DCC: variants seen among roughly 807,000 people sequenced by gnomAD.
DCC encodes the protein netrin receptor DCC.
A neutral mutation model predicts 172.5 loss-of-function variants in DCC; 58 were observed. That is an observed-to-expected ratio of 0.34 (90% CI 0.27 to 0.42). DCC has a LOEUF of 0.42. DCC is among the 10% of genes least tolerant of loss of function. The pLI is 1.00. For synonymous variants in DCC, 709 were observed against 644.5 expected, an observed-to-expected ratio of 1.10 and a Z score of -1.52; for missense variants, 1,740 against 1,791.0, an observed-to-expected ratio of 0.97 and a Z score of 0.51.
chr18:53,384,228 G>T (rs541005762), intron 15 of DCC, among the ~76,000 whole-genome samples: 6 of 152,080 alleles, frequency 3.9e-5, no homozygotes, highest in South Asian at 2.1e-4. Context: ...GTTAATTTTT[G>T]TTGACTATAA....
At chr18:53,327,748 G>A (rs1261691491) in intron 14 of DCC, among the ~76,000 whole-genome samples, 2 of 152,174 alleles carry the variant, frequency 1.3e-5, no homozygotes, top group East Asian at 3.9e-4. Flanking sequence ...TTACACCAGT[G>A]AGCAAAAGAA....
chr18:52,830,246 C>T (rs2073300401), intron 2 of DCC, among the ~76,000 whole-genome samples: 1 of 152,156 alleles, frequency 6.6e-6, no homozygotes, highest in Admixed American at 6.5e-5. Flanking sequence ...TGGTCCAACA[C>T]AAACTCACAA....
At chr18:52,769,038 T>C (rs1168337270) in intron 2 of DCC, among the ~76,000 whole-genome samples, 10 of 152,194 alleles carry the variant, frequency 6.6e-5, no homozygotes, top group Non-Finnish European at 4.4e-5. Flanking sequence ...AAATACATGG[T>C]AGCAAGTCTT....
chr18:52,768,362 CT>C (rs933989536), intron 2 of DCC, among the ~76,000 whole-genome samples: 42 of 152,258 alleles, frequency 2.8e-4, no homozygotes, highest in African/African-American at 9.9e-4. Context: ...AGGGAGAAGG[CT>C]TACCTATGGT....
chr18:52,386,969 T>C (rs1236684908), intron 1 of DCC, among the ~76,000 whole-genome samples: 1 of 152,100 alleles, frequency 6.6e-6, no homozygotes, highest in East Asian at 1.9e-4. Flanking sequence ...TAAAAGCCAG[T>C]AGTTTAACTC....
intron 2 of DCC, among the ~76,000 whole-genome samples, chr18:52,788,784 C>T (rs1004619232): frequency 2.0e-5 from 3 of 152,140 alleles, no homozygotes; most frequent in African/African-American, 7.2e-5. Flanking sequence ...AAAACAGGCA[C>T]AGCTGAAGGC....
At chr18:52,820,373 C>T (rs146503023) in intron 2 of DCC, among the ~76,000 whole-genome samples, 5 of 152,220 alleles carry the variant, frequency 3.3e-5, no homozygotes, top group East Asian at 1.9e-4. Context: ...CCCCCAAACA[C>T]GTTCCTAACA....
chr18:52,534,776 A>G (rs537852869), intron 1 of DCC, among the ~76,000 whole-genome samples: 67 of 152,310 alleles, frequency 4.4e-4, no homozygotes, highest in South Asian at 1.5e-3. Context: ...ATTTTTTTAC[A>G]TAAGTGAACT....
intron 1 of DCC, among the ~76,000 whole-genome samples, chr18:52,434,750 A>T (rs1987735650): frequency 6.6e-6 from 1 of 150,722 alleles, no homozygotes; most frequent in Admixed American, 6.6e-5. Flanking sequence ...TCTCTTCAAG[A>T]TTATGCCCTT....
intron 5 of DCC, among the ~76,000 whole-genome samples, chr18:53,030,356 A>T (rs1326074539): frequency 6.6e-6 from 1 of 152,124 alleles, no homozygotes; most frequent in Non-Finnish European, 1.5e-5. Context: ...CACATAATAT[A>T]TACTCAATAA....
At chr18:52,925,035 C>T (rs537921544) in intron 4 of DCC, among the ~76,000 whole-genome samples, 199 bp from the exon 5 acceptor site, 14 of 151,962 alleles carry the variant, frequency 9.2e-5, no homozygotes, top group Admixed American at 7.2e-4. Flanking sequence ...TTGATCGCTA[C>T]ACACAATCTT....
intron 19 of DCC, among the ~76,000 whole-genome samples, chr18:53,407,581 T>G (rs2145048715): frequency 6.9e-6 from 1 of 145,744 alleles, no homozygotes; most frequent in East Asian, 2.0e-4. Flanking sequence ...TCTCTATATA[T>G]ATGTTCAGTA....
At chr18:52,499,925 T>A (rs992828495) in intron 1 of DCC, among the ~76,000 whole-genome samples, 3 of 152,122 alleles carry the variant, frequency 2.0e-5, no homozygotes, top group Admixed American at 2.0e-4. Context: ...AGAGACTGAA[T>A]GAATTAGGGA....
At chr18:53,432,385 G>T (rs1002949703) in intron 21 of DCC, among the ~76,000 whole-genome samples, 1 of 152,068 alleles carries the variant, frequency 6.6e-6, no homozygotes, top group Non-Finnish European at 1.5e-5. Context: ...ACTATGCGTT[G>T]CATGTAGTAA....
At chr18:52,810,078 CAAAA>C (rs79299397) in intron 2 of DCC, among the ~76,000 whole-genome samples, 1,806 of 142,812 alleles carry the variant, frequency 0.013, 16 homozygotes, top group Non-Finnish European at 0.021. Flanking sequence ...TTCTAACAAC[CAAAA>C]AAAAAAATAT....
intron 7 of DCC, among the ~76,000 whole-genome samples, chr18:53,097,914 C>T (rs1311080884): frequency 6.6e-6 from 1 of 152,050 alleles, no homozygotes; most frequent in Admixed American, 6.6e-5. Flanking sequence ...ACCTTAATTA[C>T]CTCCTTAAAA....
chr18:52,986,430 A>C (rs1043319597), intron 5 of DCC, among the ~76,000 whole-genome samples: 1 of 152,076 alleles, frequency 6.6e-6, no homozygotes, highest in Admixed American at 6.5e-5. Flanking sequence ...TAAATCTCTG[A>C]GTCTTAGTCA....
intron 5 of DCC, among the ~76,000 whole-genome samples, chr18:52,980,645 A>G (rs976202204): frequency 3.5e-4 from 53 of 152,188 alleles, no homozygotes; most frequent in African/African-American, 1.2e-3. Context: ...ATAGCAAAAA[A>G]TTTTATAACA....
chr18:53,326,222 G>C (rs925913534), intron 14 of DCC, among the ~76,000 whole-genome samples: 1 of 152,128 alleles, frequency 6.6e-6, no homozygotes, highest in African/African-American at 2.4e-5. Flanking sequence ...ATTAATAGAA[G>C]AAAGACAGTA....
Sources: gnomAD v4.1 joint callset for allele counts (sites outside exome capture counted in the v4.1 genomes callset) on GRCh38, gnomAD v4.1.1 for gene constraint, MANE v1.5 for transcripts, NCBI Gene and HGNC (gene_info 2026-07-23, HGNC 2026-07-21) for gene names.